The following KCNB2 variants were observed in gnomAD, a reference collection of about 807,000 sequenced individuals.
KCNB2 encodes the protein delayed rectifier potassium channel protein.
A neutral mutation model predicts 61.5 loss-of-function variants in KCNB2; 15 were observed. The observed-to-expected ratio is 0.24, with a 90% CI of 0.16 to 0.38. KCNB2 has a LOEUF of 0.38. Ranked by LOEUF, KCNB2 falls within the 10% of genes least tolerant of loss-of-function variation. KCNB2 has a pLI of 1.00. For missense variants in KCNB2, 828 were observed against 1,125.2 expected, an observed-to-expected ratio of 0.74 and a Z score of 3.78; for synonymous variants, 457 against 446.0, an observed-to-expected ratio of 1.02 and a Z score of -0.31.
At chr8:72,598,935 A>G (rs1365132260) in intron 2 of KCNB2, among the ~76,000 whole-genome samples, 3 of 152,236 alleles carry the variant, frequency 2.0e-5, no homozygotes, top group African/African-American at 7.2e-5. Flanking sequence ...CCACAACTCA[A>G]TGAAATAAAA....
intron 2 of KCNB2, among the ~76,000 whole-genome samples, chr8:72,726,696 T>C (rs1441144900): frequency 1.3e-5 from 2 of 152,266 alleles, no homozygotes; most frequent in African/African-American, 2.4e-5. Context: ...TTCGTTTTTC[T>C]TTGTGCTTTT....
At chr8:72,607,814 A>G (rs538167165) in intron 2 of KCNB2, among the ~76,000 whole-genome samples, 2 of 152,326 alleles carry the variant, frequency 1.3e-5, no homozygotes, top group South Asian at 4.1e-4. Context: ...ATAACAATAT[A>G]AAACACTAGA....
intron 2 of KCNB2, among the ~76,000 whole-genome samples, chr8:72,717,014 C>T (rs1807455539): frequency 6.6e-6 from 1 of 151,692 alleles, no homozygotes; most frequent in Non-Finnish European, 1.5e-5. Context: ...TCTTATACAC[C>T]AATAACAGAC....
At chr8:72,897,780 C>A (rs1806016792) in intron 2 of KCNB2, among the ~76,000 whole-genome samples, 1 of 152,106 alleles carries the variant, frequency 6.6e-6, no homozygotes, top group Admixed American at 6.6e-5. Flanking sequence ...TTAAATGAAT[C>A]CTAAATGTGG....
Position 72,559,026 on chromosome 8 carries a change from G to A in KCNB2, c.-93-8616G>A, listed in dbSNP as rs191430596. 1.9e-3 allele frequency among the ~76,000 whole-genome samples: 290 copies of A among 152,152 alleles called. 2 individuals are homozygous for A. The highest frequency in any genetic ancestry group is 6.5e-3 in the African/African-American group (270 of 41,446). The stretch of plus-strand genomic sequence containing the variant: ...CTACAACAGAGAGAGAGAGAGGGCT[G>A]GGGGGAGCAGCAAGGGACATGTAGA... On this transcript the variant is annotated intron_variant, in intron 1 of 2. Transcript: ENST00000523207.
intron 2 of KCNB2, among the ~76,000 whole-genome samples, chr8:72,889,201 G>T (rs1287623583): frequency 2.6e-5 from 4 of 152,126 alleles, no homozygotes; most frequent in Admixed American, 2.6e-4. Context: ...ACACATCACT[G>T]TTACTATTCC....
chr8:72,618,841 A>G, intron 2 of KCNB2: 1 of 237,512 alleles, frequency 4.2e-6, no homozygotes. Flanking sequence ...TCTAAATAGA[A>G]CTCCATTTTT....
At chr8:72,767,583 C>A in intron 2 of KCNB2, among the ~76,000 whole-genome samples, 1 of 152,250 alleles carries the variant, frequency 6.6e-6, no homozygotes, top group Admixed American at 6.5e-5. Context: ...TGTTGAATAA[C>A]GTTTTATGGT....
chr8:72,797,802 T>C (rs1253172425), intron 2 of KCNB2, among the ~76,000 whole-genome samples: 1 of 152,220 alleles, frequency 6.6e-6, no homozygotes, highest in Admixed American at 6.5e-5. Context: ...AATGCCACTG[T>C]GGCATACCCC....
At chr8:72,781,939 C>G (rs1012763031) in intron 2 of KCNB2, among the ~76,000 whole-genome samples, 2 of 151,870 alleles carry the variant, frequency 1.3e-5, no homozygotes, top group Non-Finnish European at 2.9e-5. Context: ...GGGAGGGGAA[C>G]AACATACCCT....
intron 2 of KCNB2, among the ~76,000 whole-genome samples, chr8:72,745,214 G>GT (rs1201691119): frequency 6.6e-6 from 1 of 152,154 alleles, no homozygotes; most frequent in Non-Finnish European, 1.5e-5. Context: ...GCAATAAGGA[G>GT]TTTTTTTAAT....
chr8:72,806,709 G>T (rs892918534), intron 2 of KCNB2, among the ~76,000 whole-genome samples: 1 of 152,154 alleles, frequency 6.6e-6, no homozygotes, highest in East Asian at 1.9e-4. Context: ...CATTCAACAA[G>T]TATTTATTGA....
At chr8:72,718,327 G>C (rs201071325) in intron 2 of KCNB2, among the ~76,000 whole-genome samples, 6 of 152,238 alleles carry the variant, frequency 3.9e-5, no homozygotes, top group African/African-American at 1.2e-4. Flanking sequence ...TATACCCAAA[G>C]GATTATAAAT....
chr8:72,693,539 A>G (rs1806972234), intron 2 of KCNB2, among the ~76,000 whole-genome samples: 1 of 152,150 alleles, frequency 6.6e-6, no homozygotes, highest in African/African-American at 2.4e-5. Context: ...CTGTGTTCTA[A>G]AAAAAGCAAC....
intron 2 of KCNB2, among the ~76,000 whole-genome samples, chr8:72,596,257 C>G (rs1477355240): frequency 1.3e-5 from 2 of 152,166 alleles, no homozygotes; most frequent in Admixed American, 6.5e-5. Context: ...ACTCTGATGT[C>G]AAGAGACTAG....
chr8:72,792,746 A>G (rs997184020), intron 2 of KCNB2, among the ~76,000 whole-genome samples: 6 of 152,344 alleles, frequency 3.9e-5, no homozygotes, highest in African/African-American at 1.4e-4. Context: ...AGCTCTACTG[A>G]TAGCCTGAAA....
intron 1 of KCNB2, among the ~76,000 whole-genome samples, chr8:72,549,828 C>G (rs1806317302): frequency 6.6e-6 from 1 of 152,078 alleles, no homozygotes; most frequent in Non-Finnish European, 1.5e-5. Flanking sequence ...TTATAGTGCC[C>G]TCATATATAA....
chr8:72,715,992 C>G (rs1307994057), intron 2 of KCNB2, among the ~76,000 whole-genome samples: 2 of 152,250 alleles, frequency 1.3e-5, no homozygotes, highest in South Asian at 2.1e-4. Context: ...CACCACCGAT[C>G]CCACAGAAAT....
rs550963987 is a variant in KCNB2, at chr8:72,930,423, A to G, written c.580-5512A>G. The stretch of plus-strand genomic sequence containing the variant: ...CAGTTTACAGTCCCACCAACAGTGT[A>G]AAAGTGTTCCTGTTTCTCCACATCC... On this transcript the variant is annotated intron_variant, in intron 2 of 2. Transcript: ENST00000523207. 2.2e-4 allele frequency among the ~76,000 whole-genome samples: 33 copies of G among 152,218 alleles called. 1 individual carries two copies. The South Asian group carries it at 6.2e-3, about 29-fold the overall frequency.
Sources: allele counts gnomAD v4.1 joint callset (sites outside exome capture counted in the v4.1 genomes callset), GRCh38; gene constraint gnomAD v4.1.1; transcripts MANE v1.5; gene names NCBI Gene and HGNC (gene_info 2026-07-23, HGNC 2026-07-21).